Variants in NECTIN1 observed in about 807,000 individuals in gnomAD.
NECTIN1 encodes nectin-1.
Under a neutral mutation model 48.0 loss-of-function variants are expected in NECTIN1, and 23 were observed. The ratio of observed to expected loss-of-function variants is 0.48; its 90% CI spans 0.34 to 0.68. The LOEUF (loss-of-function observed/expected upper bound fraction) is 0.68. Among genes scored for constraint, NECTIN1 ranks in the 30% least tolerant of loss-of-function variants. The probability of loss-of-function intolerance (pLI) is 0.01; values close to 1 mark genes in which losing one functional copy is unlikely to be tolerated. For missense variants in NECTIN1, 591 were observed against 709.9 expected, an observed-to-expected ratio of 0.83 and a Z score of 1.90; for synonymous variants, 270 against 288.9, an observed-to-expected ratio of 0.93 and a Z score of 0.66.
chr11:119,699,083 GT>G (rs1426802552), intron 1 of NECTIN1, among the ~76,000 whole-genome samples: 8 of 152,160 alleles, frequency 5.3e-5, no homozygotes, highest in Admixed American at 5.2e-4. Flanking sequence ...GGAGTCCTAT[GT>G]TTTTCAGGTA....
At chr11:119,705,809 G>C (rs1260578887) in intron 1 of NECTIN1, among the ~76,000 whole-genome samples, 1 of 152,222 alleles carries the variant, frequency 6.6e-6, no homozygotes. Context: ...GCAGAGCTGG[G>C]GAGGGAGCCC....
At chr11:119,728,030 AG>A (rs1422253422) in intron 1 of NECTIN1, among the ~76,000 whole-genome samples, 2 of 151,772 alleles carry the variant, frequency 1.3e-5, no homozygotes, top group Admixed American at 1.3e-4. Flanking sequence ...AAAGAGACGA[AG>A]CCCCCCCGCC....
intron 5 of NECTIN1, among the ~76,000 whole-genome samples, chr11:119,645,873 A>G (rs1262644280): frequency 6.6e-6 from 1 of 152,174 alleles, no homozygotes; most frequent in Non-Finnish European, 1.5e-5. Flanking sequence ...ACCCACCTAG[A>G]GACTCAAAAC....
chr11:119,723,376 T>C (rs1223227245), intron 1 of NECTIN1, among the ~76,000 whole-genome samples: 1 of 152,118 alleles, frequency 6.6e-6, no homozygotes, highest in Admixed American at 6.5e-5. Flanking sequence ...GGAGTGATCA[T>C]CAGGTTGTAG....
chr11:119,669,967 T>G (rs1864840259), intron 5 of NECTIN1, among the ~76,000 whole-genome samples: 1 of 151,882 alleles, frequency 6.6e-6, no homozygotes, highest in South Asian at 2.1e-4. Flanking sequence ...TACTACTTTT[T>G]TTTTTTTTTT....
intron 5 of NECTIN1, among the ~76,000 whole-genome samples, chr11:119,653,732 C>A (rs781629114): frequency 2.0e-5 from 3 of 152,188 alleles, no homozygotes; most frequent in Non-Finnish European, 2.9e-5. Context: ...CCTAGTTCAA[C>A]GCAGCTGAGC....
At chr11:119,693,224 T>A (rs1228406087) in intron 1 of NECTIN1, among the ~76,000 whole-genome samples, 1 of 151,710 alleles carries the variant, frequency 6.6e-6, no homozygotes, top group Non-Finnish European at 1.5e-5. Flanking sequence ...GGTGTGTGTC[T>A]CTCTCTCTCT....
chr11:119,639,851 C>T (rs761699695), intron 6 of NECTIN1: 175 of 1,613,922 alleles, frequency 1.1e-4, no homozygotes, highest in Non-Finnish European at 1.4e-4. Flanking sequence ...TGGGCAGAGT[C>T]CTGCCTGGCT....
At chr11:119,713,749 T>C (rs923784740) in intron 1 of NECTIN1, 53 of 436,556 alleles carry the variant, frequency 1.2e-4, no homozygotes, top group African/African-American at 1.0e-3. Context: ...GCCCACCCAG[T>C]CTTCACTTCT....
At position 119,662,078 on chromosome 11, in the gene NECTIN1, G is replaced by A; in HGVS notation, c.*2669C>T. On this transcript the variant is annotated 3_prime_UTR_variant, in exon 6 of 6. Transcript: ENST00000264025. The surrounding 1 kb of genome is among the most constrained non-coding windows in gnomAD (Gnocchi z 5.3). ...GGGTGTGGGGTGGGGGGCAAGGACA[G>A]GGAGGGCAACAAGAGGCAGGATGAC... is the stretch of plus-strand genomic sequence containing the variant. The A allele has an allele frequency of 1.0e-6, 1 of 985,578 alleles. No individual in the cohort carries two copies. The allele number at this position is 985,578 out of a possible 1,614,324, so 61.1% of individuals were successfully genotyped here. A position where few individuals can be genotyped will look rare whatever the true frequency, so the allele number is the denominator to read the frequency against.
intron 5 of NECTIN1, among the ~76,000 whole-genome samples, chr11:119,650,348 C>T (rs979606778): frequency 2.0e-5 from 3 of 152,208 alleles, no homozygotes; most frequent in African/African-American, 7.2e-5. Flanking sequence ...TACAACTTCT[C>T]CAGATCACTT....
Position 119,678,466 on chromosome 11 carries a change from C to A in NECTIN1, c.379G>T (p.Ala127Ser), listed in dbSNP as rs1182156868. The part of the protein sequence containing the change: ...EDEGVYICEF[A>S]TFPTGNRESQ... ...TCTCGATTGCCCGTAGGGAAGGTAG[C>A]AAACTCGCAGATGTAGACACCCTCA... The change falls in exon 2 of 6, where the codon GCT becomes TCT. Residue 127 changes from alanine to serine, a missense_variant. Transcript: ENST00000264025. The surrounding 1 kb of genome is among the most constrained non-coding windows in gnomAD (Gnocchi z 4.4). 1.2e-6 allele frequency: 2 copies of A among 1,614,120 alleles called. No individual in the cohort carries two copies. The highest frequency in any genetic ancestry group is 1.7e-6 in the Non-Finnish European group (2 of 1,180,054).
In NECTIN1 at chr11:119,709,496, G is replaced by C. The variant is rs1865600258; in HGVS notation, c.79+18979C>G. Reference sequence around the variant, plus strand: ...GTGGGGCCCTGAGCGTCTGTAACCAGGCTGTGAGGAAGCACTCACTTCCAG... The same window carrying C: ...GTGGGGCCCTGAGCGTCTGTAACCACGCTGTGAGGAAGCACTCACTTCCAG... On this transcript the variant is annotated intron_variant, in intron 1 of 5. Coordinates refer to ENST00000264025, the MANE Select transcript of NECTIN1 (RefSeq NM_002855.5). The surrounding 1 kb of genome is among the most constrained non-coding windows in gnomAD (Gnocchi z 4.1). 6.6e-6 allele frequency among the ~76,000 whole-genome samples: 1 copy of C among 152,176 alleles called. No homozygotes were observed. Among genetic ancestry groups the C allele is most frequent in the South Asian group, 2.1e-4 (1 of 4,832 alleles).
In NECTIN1 at chr11:119,661,845, T is replaced by G. The variant is rs372246353; in HGVS notation, c.*2902A>C. ...GGCTGTGCATGCATGCGTGTGTACA[T>G]GCGTGTACACATGCCTGCGCGTGGG... is the stretch of plus-strand genomic sequence containing the variant. On this transcript the variant is annotated 3_prime_UTR_variant, in exon 6 of 6. Coordinates refer to ENST00000264025, the MANE Select transcript of NECTIN1 (RefSeq NM_002855.5). 106 of 985,202 alleles carry G rather than the reference T, an allele frequency of 1.1e-4. 1 individual carries two copies. The East Asian group carries it at 0.01, about 94-fold the overall frequency. 61.0% of individuals were successfully genotyped at this position (985,202 alleles called of 1,614,324 possible). A position where few individuals can be genotyped will look rare whatever the true frequency, so the allele number is the denominator to read the frequency against.
At position 119,664,341 on chromosome 11, in the gene NECTIN1, T is replaced by C. The variant is rs1864723184; in HGVS notation, c.*406A>G. 1 of 1,026,514 alleles carries C rather than the reference T, an allele frequency of 9.7e-7. No individual in the cohort carries two copies. The highest frequency in any genetic ancestry group is 1.7e-5 in the African/African-American group (1 of 58,584). The allele number at this position is 1,026,514 out of a possible 1,614,324, so 63.6% of individuals were successfully genotyped here. ...GGGAGCTTTTCCCTCTTAGAGCCCC[T>C]TGAGCCCTCCACCCCCAGTGAAGAA... On this transcript the variant is annotated 3_prime_UTR_variant, in exon 6 of 6. Coordinates refer to ENST00000264025, the MANE Select transcript of NECTIN1 (RefSeq NM_002855.5).
chr11:119,729,035 G>A lies in NECTIN1; in HGVS notation c.-482C>T, dbSNP rs1458050691. ...GCGGCGCAGAAGGCTCGGGGCCCAG[G>A]CGGCGGGCGCGGGGCTCGGCGGTCG... On this transcript the variant is annotated 5_prime_UTR_variant, in exon 1 of 6. Transcript: ENST00000264025. 2.0e-5 allele frequency: 3 copies of A among 150,680 alleles called. No individual in the cohort carries two copies. The highest frequency in any genetic ancestry group is 7.3e-5 in the African/African-American group (3 of 41,122). 9.3% of individuals were successfully genotyped at this position (150,680 alleles called of 1,614,324 possible).
rs996914163 is a variant in NECTIN1 at position 119,664,031 on chromosome 11, C to T, written c.*716G>A. ...CACCTGGAGCCCCTAATGGAGGGGG[C>T]ACATTGGGGATAAAGAGGGGACGCG... is the stretch of plus-strand genomic sequence containing the variant. On this transcript the variant is annotated 3_prime_UTR_variant, in exon 6 of 6. Coordinates refer to ENST00000264025, the MANE Select transcript of NECTIN1 (RefSeq NM_002855.5). The T allele has an allele frequency of 1.0e-5, 10 of 985,580 alleles. No homozygotes were observed. Among genetic ancestry groups the T allele is most frequent in the African/African-American group, 7.0e-5 (4 of 57,120 alleles). The allele number at this position is 985,580 out of a possible 1,614,324, so 61.1% of individuals were successfully genotyped here.
chr11:119,720,994 C>T (rs1865819416), intron 1 of NECTIN1, among the ~76,000 whole-genome samples: 1 of 152,178 alleles, frequency 6.6e-6, no homozygotes, highest in African/African-American at 2.4e-5. Context: ...TCTAGGGTCC[C>T]CAACTCCCTA....
chr11:119,687,833 C>T (rs554219922), intron 1 of NECTIN1, among the ~76,000 whole-genome samples: 8 of 152,348 alleles, frequency 5.3e-5, no homozygotes, highest in East Asian at 1.9e-4. Flanking sequence ...GCCACCCCAG[C>T]GCCCAACCCT....
Sources: allele counts gnomAD v4.1 joint callset (sites outside exome capture counted in the v4.1 genomes callset), GRCh38; gene constraint gnomAD v4.1.1; non-coding constraint Gnocchi (gnomAD v3.1); transcripts MANE v1.5; gene names NCBI Gene and HGNC (gene_info 2026-07-23, HGNC 2026-07-21).